OGFOD3: variants seen among roughly 807,000 people sequenced by gnomAD.
OGFOD3 encodes the protein 2-oxoglutarate and iron-dependent oxygenase domain-containing protein 3.
A neutral mutation model predicts 39.8 loss-of-function variants in OGFOD3; 35 were observed. The observed-to-expected ratio is 0.88, with a 90% CI of 0.67 to 1.17. The LOEUF is 1.17. Among genes scored for constraint, OGFOD3 ranks in the 50% most tolerant of loss-of-function variants. OGFOD3 has a pLI of 0.00. For synonymous variants in OGFOD3, 200 were observed against 192.0 expected, an observed-to-expected ratio of 1.04 and a Z score of -0.34; for missense variants, 438 against 454.5, an observed-to-expected ratio of 0.96 and a Z score of 0.33.
rs544997141 is a variant in OGFOD3 at position 82,392,448 on chromosome 17, C to A, written c.910G>T (p.Ala304Ser). ...HWGTRYAITI[A>S]FSCNPDHGIE... ...CCATGGTCGGGGTTGCAGCTGAAGG[C>A]GATGGTGATGGCGTAACGGGTGCCC... Residue 304 changes from alanine to serine, a missense_variant, in exon 9 of 9, where the codon GCC becomes TCC. Coordinates refer to ENST00000313056, the MANE Select transcript of OGFOD3 (RefSeq NM_024648.3). This position sits in a 1 kb window ranked among gnomAD's most constrained non-coding sequence, Gnocchi z 4.2. 1.6e-5 allele frequency: 26 copies of A among 1,612,660 alleles called. No individual in the cohort carries two copies. In the Admixed American group the frequency reaches 3.8e-4, roughly 24 times the overall value.
intron 7 of OGFOD3, among the ~76,000 whole-genome samples, chr17:82,398,651 G>T (rs539955537): frequency 6.6e-6 from 1 of 151,760 alleles, no homozygotes; most frequent in Non-Finnish European, 1.5e-5. Context: ...CACCCACCTT[G>T]GCCTCCCAAA....
chr17:82,403,904 G>A (rs1051424152), intron 7 of OGFOD3, 33 bp downstream of exon 7: 4 of 1,573,648 alleles, frequency 2.5e-6, no homozygotes, highest in East Asian at 2.3e-5. Context: ...CCTTGTCCAC[G>A]GGCACGCTCA....
At chr17:82,403,909 C>T (rs1287821170) in intron 7 of OGFOD3, 28 bp downstream of exon 7, 4 of 1,580,706 alleles carry the variant, frequency 2.5e-6, no homozygotes, top group South Asian at 2.3e-5. Context: ...TCCACGGGCA[C>T]GCTCACCCTG....
In OGFOD3 at chr17:82,392,732, C is replaced by A; in HGVS notation, c.824-198G>T. ...AACAAACGCAGCAATGCTCAGGGGC[C>A]CTGTGGCGGAGGAGGGGCCCCCCGG... is the stretch of plus-strand genomic sequence containing the variant. On this transcript the variant is annotated intron_variant, in intron 8 of 8. Transcript: ENST00000313056. The surrounding 1 kb of genome is among the most constrained non-coding windows in gnomAD (Gnocchi z 4.2). 1.5e-6 allele frequency: 1 copy of A among 682,722 alleles called. No homozygotes were observed. Among genetic ancestry groups the A allele is most frequent in the Non-Finnish European group, 2.4e-6 (1 of 420,590 alleles). 42.3% of individuals were successfully genotyped at this position (682,722 alleles called of 1,614,324 possible). A position where few individuals can be genotyped will look rare whatever the true frequency, so the allele number is the denominator to read the frequency against.
rs549181400 is a variant in OGFOD3 at position 82,415,114 on chromosome 17, A to T, written c.304+284T>A. Among the ~76,000 whole-genome samples the T allele has an allele frequency of 6.6e-6, 1 of 152,162 alleles. No homozygotes were observed. The highest frequency in any genetic ancestry group is 6.5e-5 in the Admixed American group (1 of 15,272). On this transcript the variant is annotated intron_variant, in intron 2 of 8. Transcript: ENST00000313056. This position sits in a 1 kb window ranked among gnomAD's most constrained non-coding sequence, Gnocchi z 5.3. ...CTCTACCACATTCTCCAGTCAAAAA[A>T]TCTTTCTGGTTTTGACTTTCTCATC... is the stretch of plus-strand genomic sequence containing the variant.
At position 82,406,795 on chromosome 17, in the gene OGFOD3, T is replaced by TCTCA. The variant is rs2052863318; in HGVS notation, c.424-317_424-314dup. Among the ~76,000 whole-genome samples, 1 of 152,086 alleles carries TCTCA rather than the reference T, an allele frequency of 6.6e-6. No individual in the cohort carries two copies. Among genetic ancestry groups the TCTCA allele is most frequent in the Non-Finnish European group, 1.5e-5 (1 of 68,010 alleles). On this transcript the variant is annotated intron_variant, in intron 4 of 8. Transcript: ENST00000313056. This position sits in a 1 kb window ranked among gnomAD's most constrained non-coding sequence, Gnocchi z 5.2. The stretch of plus-strand genomic sequence containing the variant: ...TTTTCTATTTTTTGTAGAGATGTGG[T>TCTCA]CTCACTATATTACCTAGGCTGGTCT...
In OGFOD3 at chr17:82,406,981, G is replaced by C. The variant is rs1247600696; in HGVS notation, c.424-499C>G. Among the ~76,000 whole-genome samples, 1 of 152,154 alleles carries C rather than the reference G, an allele frequency of 6.6e-6. No homozygotes were observed. The highest frequency in any genetic ancestry group is 1.5e-5 in the Non-Finnish European group (1 of 68,028). ...ACCTGCAATCCCAGCACTTTGGGAG[G>C]CTGAGACAGGTGGATTGCTTGAGGC... On this transcript the variant is annotated intron_variant, in intron 4 of 8. Transcript: ENST00000313056. This position sits in a 1 kb window ranked among gnomAD's most constrained non-coding sequence, Gnocchi z 5.2.
At chr17:82,398,856 C>A (rs1020085913) in intron 7 of OGFOD3, among the ~76,000 whole-genome samples, 1 of 150,448 alleles carries the variant, frequency 6.6e-6, no homozygotes, top group African/African-American at 2.5e-5. Flanking sequence ...CACAGGCGCA[C>A]GACACTACAA....
In OGFOD3 at chr17:82,389,525, G is replaced by A. The variant is rs1166561623; in HGVS notation, c.*2873C>T. 1 of 151,872 alleles carries A rather than the reference G, an allele frequency of 6.6e-6. No homozygotes were observed. Among genetic ancestry groups the A allele is most frequent in the Non-Finnish European group, 1.5e-5 (1 of 67,962 alleles). 9.4% of individuals were successfully genotyped at this position (151,872 alleles called of 1,614,324 possible). A position where few individuals can be genotyped will look rare whatever the true frequency, so the allele number is the denominator to read the frequency against. On this transcript the variant is annotated 3_prime_UTR_variant, in exon 9 of 9. Coordinates refer to ENST00000313056, the MANE Select transcript of OGFOD3 (RefSeq NM_024648.3). The surrounding 1 kb of genome is among the most constrained non-coding windows in gnomAD (Gnocchi z 4.6). The stretch of plus-strand genomic sequence containing the variant: ...GCTTCAATGATAAATTTTTTTTTGA[G>A]ACAGTATCTTGCTGTCTCCCAGGCT...
In OGFOD3 at chr17:82,403,920, CCCACGGGCGCGCTCACCTTGT is replaced by C. The variant is rs777319067; in HGVS notation, c.695_699+16del. On this transcript the variant is annotated splice_donor_variant and splice_donor_5th_base_variant and coding_sequence_variant and intron_variant, in exon 7 of 9. Transcript: ENST00000313056. LOFTEE classifies it high-confidence loss of function. ...CTTGTCCACGGGCACGCTCACCCTGCCCACGGGCGCGCTCACCTTGTCCACGTGCGCATGCCAGTACTCGTC... is the reference window on the plus strand; with the variant it reads ...CTTGTCCACGGGCACGCTCACCCTGCCCACGTGCGCATGCCAGTACTCGTC... 1.3e-6 allele frequency: 2 copies of C among 1,589,830 alleles called. No homozygotes were observed. Among genetic ancestry groups the C allele is most frequent in the South Asian group, 2.3e-5 (2 of 88,742 alleles).
At chr17:82,407,739 T>C (rs2052877696) in intron 4 of OGFOD3, among the ~76,000 whole-genome samples, 1 of 152,224 alleles carries the variant, frequency 6.6e-6, no homozygotes, top group Non-Finnish European at 1.5e-5. Flanking sequence ...GCCAGCTCCA[T>C]GCAGGACAAC....
At chr17:82,417,982 C>A (rs908957700) in intron 1 of OGFOD3, among the ~76,000 whole-genome samples, 1 of 152,218 alleles carries the variant, frequency 6.6e-6, no homozygotes, top group African/African-American at 2.4e-5. Flanking sequence ...CCATGGCACC[C>A]GATCCTCTAG....
intron 4 of OGFOD3, among the ~76,000 whole-genome samples, chr17:82,409,162 G>A (rs1302757899): frequency 1.3e-5 from 2 of 152,162 alleles, no homozygotes; most frequent in Non-Finnish European, 2.9e-5. Flanking sequence ...GCACATCTAA[G>A]GACACACTCT....
chr17:82,407,270 A>C lies in OGFOD3; in HGVS notation c.424-788T>G, dbSNP rs560609109. Among the ~76,000 whole-genome samples, 344 of 152,216 alleles carry C rather than the reference A, an allele frequency of 2.3e-3. 1 individual carries two copies. The highest frequency in any genetic ancestry group is 6.8e-3 in the Middle Eastern group (2 of 294). ...ACAAGAGCGAAACTCCATCTCAAAA[A>C]AAAAAAAAAATCTTCCTGGACCAAA... On this transcript the variant is annotated intron_variant, in intron 4 of 8. Transcript: ENST00000313056.
chr17:82,411,345 C>CA, intron 3 of OGFOD3, 110 bp downstream of exon 3: 1 of 970,624 alleles, frequency 1.0e-6, no homozygotes, highest in South Asian at 1.5e-5. Flanking sequence ...CCACGCCTGG[C>CA]AATAAAATCC....
chr17:82,401,920 T>C lies in OGFOD3; in HGVS notation c.699+2017A>G, dbSNP rs544970875. Among the ~76,000 whole-genome samples the C allele has an allele frequency of 3.1e-3, 475 of 151,782 alleles. 10 individuals carry two copies. The highest frequency in any genetic ancestry group is 4.0e-3 in the Non-Finnish European group (274 of 67,964). On this transcript the variant is annotated intron_variant, in intron 7 of 8. Coordinates refer to ENST00000313056, the MANE Select transcript of OGFOD3 (RefSeq NM_024648.3). Reference sequence around the variant, plus strand: ...ATTCCTTCCTCTGTCACAGCGGGCATGGTGGGGCAGCAAGAGTCCTAATCT... The same window carrying C: ...ATTCCTTCCTCTGTCACAGCGGGCACGGTGGGGCAGCAAGAGTCCTAATCT...
At chr17:82,416,816 G>A (rs1315982022) in intron 1 of OGFOD3, among the ~76,000 whole-genome samples, 5 of 151,998 alleles carry the variant, frequency 3.3e-5, no homozygotes, top group African/African-American at 9.6e-5. Flanking sequence ...GATTACAGGC[G>A]TGCACCACCA....
At position 82,403,994 on chromosome 17, in the gene OGFOD3, T is replaced by C; in HGVS notation, c.642A>G (p.Ile214Met). Residue 214 changes from isoleucine to methionine, a missense_variant, in exon 7 of 9, where the codon ATA becomes ATG. Coordinates refer to ENST00000313056, the MANE Select transcript of OGFOD3 (RefSeq NM_024648.3). Reference sequence around the variant, plus strand: ...GCGCCGTCCGCGCTTCCGTGCTGTTTATGCGGGAGAAGAAGGTGGGCTTGG... The same window carrying C: ...GCGCCGTCCGCGCTTCCGTGCTGTTCATGCGGGAGAAGAAGGTGGGCTTGG... ...HLTKPTFFSR[I>M]NSTEARTAHD... 1 of 1,611,242 alleles carries C rather than the reference T, an allele frequency of 6.2e-7. No homozygotes were observed. Among genetic ancestry groups the C allele is most frequent in the South Asian group, 1.1e-5 (1 of 90,422 alleles).
At chr17:82,394,593 C>T (rs545077061) in intron 8 of OGFOD3, 132 of 1,475,634 alleles carry the variant, frequency 8.9e-5, no homozygotes, top group Non-Finnish European at 1.2e-4. Flanking sequence ...CTCCAGGGGC[C>T]TGGGCGGTGC....
Sources: allele counts gnomAD v4.1 joint callset (sites outside exome capture counted in the v4.1 genomes callset), GRCh38; gene constraint gnomAD v4.1.1; non-coding constraint Gnocchi (gnomAD v3.1); transcripts MANE v1.5; gene names NCBI Gene and HGNC (gene_info 2026-07-23, HGNC 2026-07-21).